EPHA3: variants seen among roughly 807,000 people sequenced by gnomAD.
EPHA3 encodes ephrin type-A receptor 3.
EPHA3 carries 42 observed loss-of-function variants against 107.1 expected under a neutral mutation model. The ratio of observed to expected loss-of-function variants is 0.39; its 90% CI spans 0.31 to 0.51. The LOEUF is 0.51. Among genes scored for constraint, EPHA3 ranks in the 20% least tolerant of loss-of-function variants. The probability of loss-of-function intolerance (pLI) is 0.78; values close to 1 mark genes in which losing one functional copy is unlikely to be tolerated. For synonymous variants in EPHA3, 461 were observed against 424.8 expected (o/e 1.09, Z -1.05); for missense variants, 1,183 against 1,211.2 (o/e 0.98, Z 0.35).
intron 2 of EPHA3, among the ~76,000 whole-genome samples, chr3:89,206,209 A>C (rs1706099994): frequency 6.6e-6 from 1 of 152,128 alleles, no homozygotes; most frequent in South Asian, 2.1e-4. Flanking sequence ...TTCTGTTTGC[A>C]TTATCTTCTT....
At position 89,230,856 on chromosome 3, in the gene EPHA3, A is replaced by C. The variant is rs571175826; in HGVS notation, c.814+20336A>C. On this transcript the variant is annotated intron_variant, in intron 3 of 16. Coordinates refer to ENST00000336596, the MANE Select transcript of EPHA3 (RefSeq NM_005233.6). ...CACACACACACACACACACACACAC[A>C]CCTTTGCTTTTATCTGCTCCCCAGA... is the stretch of plus-strand genomic sequence containing the variant. Among the ~76,000 whole-genome samples the C allele has an allele frequency of 2.2e-4, 31 of 142,920 alleles. No individual in the cohort carries two copies. The East Asian group carries it at 2.8e-3, about 13-fold the overall frequency. The allele number at this position is 142,920 out of a possible 152,430, so 93.8% of individuals were successfully genotyped here. A position where few individuals can be genotyped will look rare whatever the true frequency, so the allele number is the denominator to read the frequency against.
At chr3:89,249,047 T>G (rs1705102010) in intron 3 of EPHA3, among the ~76,000 whole-genome samples, 1 of 152,206 alleles carries the variant, frequency 6.6e-6, no homozygotes, top group Non-Finnish European at 1.5e-5. Context: ...GCAGTTATAT[T>G]TGGGTCCAGA....
intron 2 of EPHA3, among the ~76,000 whole-genome samples, chr3:89,144,010 C>G (rs1286468762): frequency 6.6e-6 from 1 of 151,566 alleles, no homozygotes; most frequent in Non-Finnish European, 1.5e-5. Flanking sequence ...CCACAGTTTC[C>G]TCCATAATTA....
intron 1 of EPHA3, among the ~76,000 whole-genome samples, chr3:89,122,806 A>G (rs1559741081): frequency 1.3e-5 from 2 of 152,216 alleles, no homozygotes; most frequent in Non-Finnish European, 2.9e-5. Context: ...TTCTTTTAGT[A>G]ACTGAGAATT....
chr3:89,413,333 C>G, intron 10 of EPHA3, 67 bp downstream of exon 10: 1 of 1,577,974 alleles, frequency 6.3e-7, no homozygotes, highest in Non-Finnish European at 8.7e-7. Context: ...GTCTCTGAAA[C>G]CTAAGTATAT....
intron 3 of EPHA3, among the ~76,000 whole-genome samples, chr3:89,329,636 A>T (rs534867458): frequency 2.0e-5 from 3 of 152,280 alleles, no homozygotes; most frequent in Non-Finnish European, 4.4e-5. Flanking sequence ...AAGTTTTAGC[A>T]TAACATAGTG....
intron 5 of EPHA3, among the ~76,000 whole-genome samples, chr3:89,357,850 GA>G (rs1410255546): frequency 1.3e-5 from 2 of 150,934 alleles, no homozygotes; most frequent in African/African-American, 4.8e-5. Context: ...TTTTATATCT[GA>G]AAAGTTTGAA....
At chr3:89,255,422 C>A (rs1292162990) in intron 3 of EPHA3, among the ~76,000 whole-genome samples, 1 of 152,216 alleles carries the variant, frequency 6.6e-6, no homozygotes, top group Non-Finnish European at 1.5e-5. Context: ...ATTCTGCCTG[C>A]CACTTGTTTT....
At chr3:89,451,046 T>A (rs73139276) in intron 15 of EPHA3, among the ~76,000 whole-genome samples, 27,166 of 152,186 alleles carry the variant, frequency 0.18, 3,202 homozygotes, top group Non-Finnish European at 0.25. Context: ...TTTTCCCCAG[T>A]TAATTAAACA....
chr3:89,123,478 A>C (rs1707436237), intron 1 of EPHA3, among the ~76,000 whole-genome samples: 1 of 152,106 alleles, frequency 6.6e-6, no homozygotes, highest in Non-Finnish European at 1.5e-5. Context: ...TCCATTCTAC[A>C]CCTTCTTATT....
In EPHA3 at chr3:89,404,075, C is replaced by T. The variant is rs757027492; in HGVS notation, c.1595-3194C>T. ...AACCCCAGGGATAATTAAATTAGCG[C>T]TCCCGAAAGCCTCACACCCTCATTA... On this transcript the variant is annotated intron_variant, in intron 7 of 16. Transcript: ENST00000336596. 2.0e-4 allele frequency among the ~76,000 whole-genome samples: 31 copies of T among 152,092 alleles called. 1 individual carries two copies. Among genetic ancestry groups the T allele is most frequent in the Admixed American group, 4.6e-4 (7 of 15,264 alleles).
At chr3:89,234,833 CTTTCT>C (rs1291340240) in intron 3 of EPHA3, among the ~76,000 whole-genome samples, 1 of 111,804 alleles carries the variant, frequency 8.9e-6, no homozygotes, top group African/African-American at 3.5e-5. Context: ...CTTTCCTTTC[CTTTCT>C]TTCCTTCCTT....
At position 89,214,268 on chromosome 3, in the gene EPHA3, A is replaced by G. The variant is rs192234125; in HGVS notation, c.814+3748A>G. On this transcript the variant is annotated intron_variant, in intron 3 of 16. Transcript: ENST00000336596. ...ATTTTGAGCCTTAGTTTCTTCATCC[A>G]CAAAAGGGATGGGCTTCAAAATGGC... 9.9e-5 allele frequency among the ~76,000 whole-genome samples: 15 copies of G among 152,088 alleles called. No homozygotes were observed. In the East Asian group the frequency reaches 2.7e-3, roughly 27 times the overall value.
At chr3:89,127,126 C>T (rs1704112282) in intron 1 of EPHA3, 83 bp from the exon 2 acceptor site, 2 of 1,050,612 alleles carry the variant, frequency 1.9e-6, no homozygotes, top group Admixed American at 3.6e-5. Flanking sequence ...GCAACATCAA[C>T]AACAGACAAT....
intron 3 of EPHA3, among the ~76,000 whole-genome samples, chr3:89,229,235 A>T (rs1279524198): frequency 6.6e-6 from 1 of 152,000 alleles, no homozygotes; most frequent in African/African-American, 2.4e-5. Flanking sequence ...AGAAAGACTT[A>T]CTAAAATTGT....
chr3:89,444,848 G>A (rs1709850810), intron 13 of EPHA3, among the ~76,000 whole-genome samples: 1 of 152,080 alleles, frequency 6.6e-6, no homozygotes, highest in African/African-American at 2.4e-5. Flanking sequence ...TCTTGAATCT[G>A]TGATTATTTC....
chr3:89,192,593 A>G (rs1200888364), intron 2 of EPHA3, among the ~76,000 whole-genome samples: 1 of 152,102 alleles, frequency 6.6e-6, no homozygotes, highest in Non-Finnish European at 1.5e-5. Context: ...ACAATTGACC[A>G]AAATATTTGC....
intron 3 of EPHA3, among the ~76,000 whole-genome samples, chr3:89,210,736 C>T (rs1404278842): frequency 6.6e-6 from 1 of 152,056 alleles, no homozygotes; most frequent in Non-Finnish European, 1.5e-5. Context: ...ACAGTGCTGG[C>T]CTGCACCCTG....
chr3:89,172,326 G>A (rs1282568817), intron 2 of EPHA3, among the ~76,000 whole-genome samples: 1 of 152,122 alleles, frequency 6.6e-6, no homozygotes, highest in Non-Finnish European at 1.5e-5. Flanking sequence ...AGTGGCAGCA[G>A]CTTGCCATTG....
Sources: gnomAD v4.1 joint callset for allele counts (sites outside exome capture counted in the v4.1 genomes callset) on GRCh38, gnomAD v4.1.1 for gene constraint, MANE v1.5 for transcripts, NCBI Gene and HGNC (gene_info 2026-07-23, HGNC 2026-07-21) for gene names.